The following UGT1A10 variants were observed in gnomAD, a reference collection of about 807,000 sequenced individuals.
UGT1A10 encodes UDP-glucuronosyltransferase 1A10.
In UGT1A10, 49 loss-of-function variants were observed where a neutral mutation model predicts 45.8. That is an observed-to-expected ratio of 1.07 (90% CI 0.85 to 1.36). The LOEUF (loss-of-function observed/expected upper bound fraction) is 1.36, where lower values mean the gene tolerates loss of function less well. Among genes scored for constraint, UGT1A10 ranks in the 40% most tolerant of loss-of-function variants. The pLI is 0.00. For synonymous variants in UGT1A10, 284 were observed against 249.7 expected (o/e 1.14, Z -1.29); for missense variants, 745 against 668.6 (o/e 1.11, Z -1.26).
At chr2:233,698,293 T>A (rs1294389831) in intron 1 of UGT1A10, among the ~76,000 whole-genome samples, 2 of 152,252 alleles carry the variant, frequency 1.3e-5, no homozygotes, top group Non-Finnish European at 2.9e-5. Context: ...AAAAAAAATG[T>A]GTCTTTGGAC....
chr2:233,724,727 G>A (rs1271460613), intron 1 of UGT1A10, among the ~76,000 whole-genome samples: 6 of 144,662 alleles, frequency 4.1e-5, no homozygotes. Context: ...GGGCAGCCAG[G>A]CAGAGGGGCT....
At chr2:233,670,664 T>C (rs934049486) in intron 1 of UGT1A10, among the ~76,000 whole-genome samples, 2 of 152,356 alleles carry the variant, frequency 1.3e-5, no homozygotes, top group African/African-American at 4.8e-5. Context: ...CTTGAATTTC[T>C]CACAGATTCA....
At chr2:233,669,314 A>G (rs2074135806) in intron 1 of UGT1A10, among the ~76,000 whole-genome samples, 1 of 151,816 alleles carries the variant, frequency 6.6e-6, no homozygotes, top group South Asian at 2.1e-4. Context: ...ACATTTCCCT[A>G]TGAATTTTAG....
chr2:233,691,922 G>A (rs1422261800), intron 1 of UGT1A10: 1 of 152,442 alleles, frequency 6.6e-6, no homozygotes, highest in Non-Finnish European at 1.5e-5. Context: ...AGTGGTGGGA[G>A]CGATAAACGT....
intron 1 of UGT1A10, chr2:233,682,062 A>C (rs754287322): frequency 6.2e-7 from 1 of 1,614,126 alleles, no homozygotes; most frequent in South Asian, 1.1e-5. Flanking sequence ...TTCACCATGC[A>C]GTCGGTGGTG....
At chr2:233,716,588 CA>C (rs1029080788) in intron 1 of UGT1A10, among the ~76,000 whole-genome samples, 5 of 152,142 alleles carry the variant, frequency 3.3e-5, no homozygotes. Flanking sequence ...TTTCAAAGAG[CA>C]AAAATTTTAG....
intron 1 of UGT1A10, among the ~76,000 whole-genome samples, chr2:233,710,424 T>C (rs907239119): frequency 2.0e-5 from 3 of 152,248 alleles, no homozygotes; most frequent in African/African-American, 7.2e-5. Flanking sequence ...GTGCTAAGAC[T>C]TGCTATTTTT....
intron 1 of UGT1A10, among the ~76,000 whole-genome samples, chr2:233,710,213 G>A (rs1438466149): frequency 6.6e-6 from 1 of 152,160 alleles, no homozygotes; most frequent in Non-Finnish European, 1.5e-5. Flanking sequence ...TGGCTATTAT[G>A]AATAAAGCTG....
At chr2:233,675,667 A>G (rs985269438) in intron 1 of UGT1A10, among the ~76,000 whole-genome samples, 2 of 152,148 alleles carry the variant, frequency 1.3e-5, no homozygotes, top group African/African-American at 4.8e-5. Flanking sequence ...CAATGGAGAG[A>G]CTCAGTGTAA....
intron 1 of UGT1A10, among the ~76,000 whole-genome samples, chr2:233,715,537 C>T (rs532391786): frequency 4.5e-4 from 69 of 152,064 alleles, no homozygotes; most frequent in African/African-American, 1.4e-3. Context: ...TTTGGGAGAC[C>T]GAGGGAGGAG....
At chr2:233,717,422 G>T (rs1452030789) in intron 1 of UGT1A10, among the ~76,000 whole-genome samples, 2 of 152,202 alleles carry the variant, frequency 1.3e-5, no homozygotes, top group Non-Finnish European at 2.9e-5. Context: ...CTTGAGCTGG[G>T]TGTCCCTCTG....
chr2:233,755,062 C>G, intron 1 of UGT1A10: 1 of 1,335,450 alleles, frequency 7.5e-7, no homozygotes, highest in Middle Eastern at 2.1e-4. Flanking sequence ...GCCCTCGCCT[C>G]GCCATAGCGG....
intron 4 of UGT1A10, 143 bp downstream of exon 4, chr2:233,768,582 C>CTTTTTTTTTTTTTTTTTTTTTTTTTTT (rs139595073): frequency 1.2e-6 from 1 of 867,188 alleles, no homozygotes; most frequent in Non-Finnish European, 1.4e-6. Flanking sequence ...TTTATTTCTT[C>CTTTTTTTTTTTTTTTTTTTTTTTTTTT]TTTTTTTTTT....
intron 1 of UGT1A10, chr2:233,671,939 C>A: frequency 1.2e-6 from 2 of 1,608,192 alleles, no homozygotes; most frequent in Admixed American, 1.7e-5. Flanking sequence ...TCTCTGATGG[C>A]TTGCACAGGG....
At position 233,761,035 on chromosome 2, in the gene UGT1A10, T is replaced by C. The variant is rs57307513; in HGVS notation, c.856-5999T>C. On this transcript the variant is annotated intron_variant, in intron 1 of 4. Transcript: ENST00000344644. ...GGTGACTGTCCAGGACCTATTGAGC[T>C]CTGCATCTGTCTGGCTGTTTAGAAG... The C allele has an allele frequency of 4.4e-4, 717 of 1,614,210 alleles. No individual in the cohort carries two copies. Among genetic ancestry groups the C allele is most frequent in the Non-Finnish European group, 5.5e-4 (645 of 1,180,032 alleles).
chr2:233,648,658 G>T (rs1329949204), intron 1 of UGT1A10: 14 of 273,012 alleles, frequency 5.1e-5, no homozygotes, highest in Middle Eastern at 7.8e-4. Flanking sequence ...TGGAGACGGG[G>T]TTTCACCGTG....
intron 1 of UGT1A10, chr2:233,690,668 A>G (rs2075002528): frequency 3.2e-6 from 4 of 1,269,734 alleles, no homozygotes; most frequent in South Asian, 1.3e-5. Flanking sequence ...CAACCAGGGC[A>G]GGCCTGGGTC....
intron 1 of UGT1A10, among the ~76,000 whole-genome samples, chr2:233,745,365 T>C (rs1693089556): frequency 6.6e-6 from 1 of 151,880 alleles, no homozygotes; most frequent in Admixed American, 6.5e-5. Flanking sequence ...TTTTTTGAGA[T>C]CTGAGTTCTC....
chr2:233,718,402 G>A (rs3732220), intron 1 of UGT1A10, among the ~76,000 whole-genome samples: 15,446 of 152,230 alleles, frequency 0.1, 905 homozygotes, highest in East Asian at 0.2. Context: ...AGCAAATAGC[G>A]TCACATTCAG....
Sources: gnomAD v4.1 joint callset for allele counts (sites outside exome capture counted in the v4.1 genomes callset) on GRCh38, gnomAD v4.1.1 for gene constraint, MANE v1.5 for transcripts, NCBI Gene and HGNC (gene_info 2026-07-23, HGNC 2026-07-21) for gene names.